Variants in TASP1 observed in about 807,000 individuals in gnomAD.
TASP1 encodes taspase 1, also known as threonine aspartase 1.
In TASP1, 16 loss-of-function variants were observed where a neutral mutation model predicts 56.6. The ratio of observed to expected loss-of-function variants is 0.28; its 90% CI spans 0.19 to 0.43. The LOEUF is 0.43. Among genes scored for constraint, TASP1 ranks in the 20% least tolerant of loss-of-function variants. TASP1 has a pLI of 1.00. For synonymous variants in TASP1, 179 were observed against 184.2 expected (o/e 0.97, Z 0.23); for missense variants, 393 against 511.6 (o/e 0.77, Z 2.24).
intron 11 of TASP1, among the ~76,000 whole-genome samples, chr20:13,452,003 C>A (rs1046379880): frequency 6.6e-5 from 10 of 152,148 alleles, no homozygotes; most frequent in South Asian, 2.1e-4. Flanking sequence ...AACAGGGGAA[C>A]AATTGGTTAG....
At chr20:13,458,843 A>C (rs73901180) in intron 11 of TASP1, among the ~76,000 whole-genome samples, 2 of 152,152 alleles carry the variant, frequency 1.3e-5, no homozygotes, top group Admixed American at 6.5e-5. Flanking sequence ...ACATTAGTAC[A>C]TGTGGGTTCA....
the TASP1 span, among the ~76,000 whole-genome samples, chr20:13,186,058 T>C: frequency 6.6e-6 from 1 of 152,140 alleles, no homozygotes; most frequent in African/African-American, 2.4e-5. Flanking sequence ...TAGTAAGAAC[T>C]CTCAAATAGT....
the TASP1 span, among the ~76,000 whole-genome samples, chr20:13,118,447 TG>T: frequency 0.12 from 3,990 of 33,750 alleles, 320 homozygotes; most frequent in African/African-American, 0.23. Flanking sequence ...AAGAGGTTTG[TG>T]GAAAAAAAAA....
the TASP1 span, among the ~76,000 whole-genome samples, chr20:13,233,217 A>AT: frequency 6.6e-6 from 1 of 152,162 alleles, no homozygotes; most frequent in Non-Finnish European, 1.5e-5. Flanking sequence ...GAAACCTGGT[A>AT]TGGATTTTGA....
At chr20:13,229,388 C>G in the TASP1 span, among the ~76,000 whole-genome samples, 4 of 152,144 alleles carry the variant, frequency 2.6e-5, no homozygotes, top group Non-Finnish European at 1.5e-5. Context: ...ATTAGTTTTG[C>G]CTGTTCCAGA....
the TASP1 span, among the ~76,000 whole-genome samples, chr20:13,207,759 A>T: frequency 0.02 from 3,115 of 152,318 alleles, 55 homozygotes; most frequent in Non-Finnish European, 0.031. Context: ...TTCAAATGCT[A>T]ATCTCATAGA....
At chr20:13,451,411 C>T (rs2043612633) in intron 11 of TASP1, among the ~76,000 whole-genome samples, 1 of 152,086 alleles carries the variant, frequency 6.6e-6, no homozygotes, top group African/African-American at 2.4e-5. Context: ...TTTTGTCTGC[C>T]TTCAAAATCT....
At chr20:13,439,740 G>C (rs4813130) in intron 11 of TASP1, among the ~76,000 whole-genome samples, 113,962 of 151,910 alleles carry the variant, frequency 0.75, 43,602 homozygotes, top group African/African-American at 0.91. Flanking sequence ...AACAAAACAA[G>C]AACAAAAAAA....
At chr20:13,235,927 C>CTTTTTTTTT in the TASP1 span, among the ~76,000 whole-genome samples, 1 of 149,578 alleles carries the variant, frequency 6.7e-6, no homozygotes, top group African/African-American at 2.5e-5. Flanking sequence ...TTGTACTTCC[C>CTTTTTTTTT]TTTTTTCTTT....
intron 13 of TASP1, 131 bp from the exon 14 acceptor site, chr20:13,390,583 A>G (rs2041234828): frequency 1.5e-6 from 1 of 684,836 alleles, no homozygotes; most frequent in African/African-American, 1.8e-5. Context: ...GAGCATCCAC[A>G]GACTGTACCA....
At chr20:13,399,386 T>A (rs2041656420) in intron 13 of TASP1, among the ~76,000 whole-genome samples, 2 of 152,236 alleles carry the variant, frequency 1.3e-5, no homozygotes, top group South Asian at 4.1e-4. Context: ...CCCCATTTGA[T>A]GCCTAACAGG....
chr20:13,634,644 C>T (rs6131495), intron 1 of TASP1, among the ~76,000 whole-genome samples: 39,332 of 150,544 alleles, frequency 0.26, 6,454 homozygotes, highest in African/African-American at 0.47. Flanking sequence ...ACAGGAGAAT[C>T]GCTTGAACCA....
chr20:13,388,188 G>C (rs1015557531), downstream of TASP1, among the ~76,000 whole-genome samples: 1 of 152,208 alleles, frequency 6.6e-6, no homozygotes, highest in African/African-American at 2.4e-5. Flanking sequence ...AGCCAGATTA[G>C]AGAATGAGGT....
chr20:13,360,155 C>T, the TASP1 span, among the ~76,000 whole-genome samples: 1 of 152,026 alleles, frequency 6.6e-6, no homozygotes, highest in African/African-American at 2.4e-5. Flanking sequence ...CTCTCCTATC[C>T]TCAATACCTG....
chr20:13,474,900 T>A (rs1386688863), intron 11 of TASP1, among the ~76,000 whole-genome samples: 3 of 152,204 alleles, frequency 2.0e-5, no homozygotes, highest in Admixed American at 2.0e-4. Context: ...TATTGAGCAT[T>A]TTTTTCATGT....
chr20:13,403,776 G>C (rs753251470), intron 13 of TASP1, among the ~76,000 whole-genome samples: 3 of 152,110 alleles, frequency 2.0e-5, no homozygotes, highest in Non-Finnish European at 2.9e-5. Flanking sequence ...TAGTTACTAG[G>C]GAGGCTGAGG....
At chr20:13,177,101 C>A in the TASP1 span, among the ~76,000 whole-genome samples, 13 of 152,022 alleles carry the variant, frequency 8.6e-5, no homozygotes, top group Non-Finnish European at 1.0e-4. Context: ...GTTAGCCATG[C>A]ATGGTGGCAC....
At chr20:13,180,505 C>T in the TASP1 span, among the ~76,000 whole-genome samples, 3,455 of 152,272 alleles carry the variant, frequency 0.023, 61 homozygotes, top group South Asian at 0.031. Flanking sequence ...CCCTTCCCTT[C>T]AGACTGCTGT....
At chr20:13,362,466 T>A in the TASP1 span, among the ~76,000 whole-genome samples, 20,304 of 116,064 alleles carry the variant, frequency 0.17, 2,409 homozygotes, top group African/African-American at 0.31. Flanking sequence ...CTCAAAAAGC[T>A]CCCCCACTGA....
Sources: gnomAD v4.1 joint callset for allele counts (sites outside exome capture counted in the v4.1 genomes callset) on GRCh38, gnomAD v4.1.1 for gene constraint, MANE v1.5 for transcripts, NCBI Gene and HGNC (gene_info 2026-07-23, HGNC 2026-07-21) for gene names.